Variants in GPR137C observed in about 807,000 individuals in gnomAD.
The protein encoded by GPR137C is G protein-coupled receptor 137C.
Under a neutral mutation model 43.4 loss-of-function variants are expected in GPR137C, and 27 were observed. That is an observed-to-expected ratio of 0.62 (90% CI 0.46 to 0.86). GPR137C has a LOEUF of 0.86. GPR137C is among the 40% of genes least tolerant of loss of function. The pLI is 0.00. For synonymous variants in GPR137C, 285 were observed against 226.9 expected (o/e 1.26, Z -2.30); for missense variants, 522 against 534.6 (o/e 0.98, Z 0.23).
intron 1 of GPR137C, among the ~76,000 whole-genome samples, chr14:52,566,473 C>T (rs1379176169): frequency 6.6e-6 from 1 of 152,074 alleles, no homozygotes; most frequent in African/African-American, 2.4e-5. Context: ...TTTTCTCTCT[C>T]CAAGAGCTTT....
Position 52,614,123 on chromosome 14 carries a change from CT to C in GPR137C, c.717+13796del, listed in dbSNP as rs201382954. 2.4e-3 allele frequency among the ~76,000 whole-genome samples: 337 copies of C among 141,970 alleles called. 1 individual carries two copies. The highest frequency in any genetic ancestry group is 3.1e-3 in the Non-Finnish European group (201 of 64,400). The allele number at this position is 141,970 out of a possible 152,430, so 93.1% of individuals were successfully genotyped here. The stretch of plus-strand genomic sequence containing the variant: ...TGTTAAATGATGTTGAGCACTTTTT[CT>C]TTTTTTTTTTTTTGAGACAGAGTCC... On this transcript the variant is annotated intron_variant, in intron 3 of 6. Coordinates refer to ENST00000321662, the MANE Select transcript of GPR137C (RefSeq NM_001099652.2).
intron 1 of GPR137C, among the ~76,000 whole-genome samples, chr14:52,564,594 A>G (rs2139444028): frequency 6.6e-6 from 1 of 152,284 alleles, no homozygotes; most frequent in East Asian, 1.9e-4. Flanking sequence ...TACTCAAGTT[A>G]GATTCCAAAA....
intron 3 of GPR137C, among the ~76,000 whole-genome samples, chr14:52,616,010 T>C (rs568837160): frequency 7.7e-4 from 118 of 152,376 alleles, no homozygotes; most frequent in African/African-American, 2.7e-3. Flanking sequence ...AATGTCCTTG[T>C]ATAGACATTT....
Position 52,623,100 on chromosome 14 carries a change from C to T in GPR137C, c.718-9060C>T, listed in dbSNP as rs921216684. Among the ~76,000 whole-genome samples the T allele has an allele frequency of 5.9e-5, 9 of 152,190 alleles. No homozygotes were observed. The East Asian group carries it at 1.2e-3, about 20-fold the overall frequency. ...GGTACCACTTGTGTTTCCTATCAGG[C>T]GTTGACATAAAAGAATATTTTCTTG... On this transcript the variant is annotated intron_variant, in intron 3 of 6. Transcript: ENST00000321662.
chr14:52,555,799 T>C (rs2038183632), intron 1 of GPR137C, among the ~76,000 whole-genome samples: 1 of 152,196 alleles, frequency 6.6e-6, no homozygotes. Flanking sequence ...ATAATGAAAT[T>C]AACAATTTTA....
chr14:52,562,126 G>C (rs981374335), intron 1 of GPR137C, among the ~76,000 whole-genome samples: 1 of 151,872 alleles, frequency 6.6e-6, no homozygotes, highest in African/African-American at 2.4e-5. Flanking sequence ...AAAAGAACAG[G>C]ATAAATCCAA....
intron 1 of GPR137C, among the ~76,000 whole-genome samples, chr14:52,579,910 A>T (rs1040049691): frequency 1.3e-5 from 2 of 152,216 alleles, no homozygotes; most frequent in Non-Finnish European, 2.9e-5. Flanking sequence ...GAAAACAGGT[A>T]TTCAGTATAA....
At chr14:52,562,127 A>G (rs1174339245) in intron 1 of GPR137C, among the ~76,000 whole-genome samples, 3 of 152,120 alleles carry the variant, frequency 2.0e-5, no homozygotes, top group Non-Finnish European at 4.4e-5. Flanking sequence ...AAAGAACAGG[A>G]TAAATCCAAA....
At position 52,636,345 on chromosome 14, in the gene GPR137C, G is replaced by GCT. The variant is rs1211321744; in HGVS notation, c.*1231_*1232dup. 1 of 151,982 alleles carries GCT rather than the reference G, an allele frequency of 6.6e-6. No homozygotes were observed. The highest frequency in any genetic ancestry group is 1.9e-4 in the East Asian group (1 of 5,198). The allele number at this position is 151,982 out of a possible 1,614,324, so 9.4% of individuals were successfully genotyped here. Reference sequence around the variant, plus strand: ...AATCTAAAAAAAAAGAAAATGGCAGGCTGAGATAATACAGAATTTTAAAAT... The same window carrying GCT: ...AATCTAAAAAAAAAGAAAATGGCAGGCTCTGAGATAATACAGAATTTTAAAAT... On this transcript the variant is annotated 3_prime_UTR_variant, in exon 7 of 7. Transcript: ENST00000321662.
chr14:52,635,190 A>G lies in GPR137C; in HGVS notation c.*75A>G. The G allele has an allele frequency of 3.3e-6, 4 of 1,211,374 alleles. No homozygotes were observed. The highest frequency in any genetic ancestry group is 4.5e-6 in the Non-Finnish European group (4 of 890,578). The allele number at this position is 1,211,374 out of a possible 1,614,324, so 75.0% of individuals were successfully genotyped here. A position where few individuals can be genotyped will look rare whatever the true frequency, so the allele number is the denominator to read the frequency against. ...TTCAATGTGTTTAAATTCCATCTAC[A>G]TAAACATTCCATTATCTGTTGCAAC... On this transcript the variant is annotated 3_prime_UTR_variant, in exon 7 of 7. Transcript: ENST00000321662.
intron 1 of GPR137C, among the ~76,000 whole-genome samples, chr14:52,568,950 G>C (rs1487085506): frequency 2.6e-5 from 4 of 152,236 alleles, no homozygotes; most frequent in Non-Finnish European, 4.4e-5. Flanking sequence ...TCTGCTAAGG[G>C]ACAGACTGCC....
At chr14:52,570,440 A>G (rs2038447864) in intron 1 of GPR137C, among the ~76,000 whole-genome samples, 1 of 152,204 alleles carries the variant, frequency 6.6e-6, no homozygotes, top group African/African-American at 2.4e-5. Context: ...TGCATCGACT[A>G]ACGGGCAAAA....
At chr14:52,603,174 C>T (rs1162828907) in intron 3 of GPR137C, among the ~76,000 whole-genome samples, 1 of 152,172 alleles carries the variant, frequency 6.6e-6, no homozygotes, top group Admixed American at 6.6e-5. Context: ...GTAGCTCCCA[C>T]ATGTGAGTGA....
chr14:52,583,443 G>A (rs1392985194), intron 1 of GPR137C, among the ~76,000 whole-genome samples: 3 of 152,176 alleles, frequency 2.0e-5, no homozygotes, highest in Non-Finnish European at 2.9e-5. Flanking sequence ...AATCTGGGAT[G>A]GTAGCTGACC....
chr14:52,555,250 C>T (rs998190067), intron 1 of GPR137C, among the ~76,000 whole-genome samples: 2 of 152,048 alleles, frequency 1.3e-5, no homozygotes, highest in Non-Finnish European at 2.9e-5. Flanking sequence ...GAATGATTCA[C>T]TGTAAAATAG....
At chr14:52,595,186 C>T (rs1331663652) in intron 1 of GPR137C, among the ~76,000 whole-genome samples, 1 of 152,112 alleles carries the variant, frequency 6.6e-6, no homozygotes, top group Non-Finnish European at 1.5e-5. Flanking sequence ...CCGAGAGATC[C>T]CCTGTTAGTC....
At chr14:52,629,523 C>T (rs896496457) in intron 3 of GPR137C, among the ~76,000 whole-genome samples, 3 of 152,184 alleles carry the variant, frequency 2.0e-5, no homozygotes, top group Admixed American at 1.3e-4. Context: ...CAACTAACTC[C>T]TGATAGATAC....
intron 1 of GPR137C, among the ~76,000 whole-genome samples, chr14:52,559,772 T>G (rs1230107298): frequency 1.3e-5 from 2 of 152,136 alleles, no homozygotes; most frequent in Non-Finnish European, 2.9e-5. Flanking sequence ...AGGTCAAAAA[T>G]CCTAATCTAC....
At chr14:52,589,258 G>A (rs953368397) in intron 1 of GPR137C, among the ~76,000 whole-genome samples, 32 of 152,136 alleles carry the variant, frequency 2.1e-4, no homozygotes, top group Middle Eastern at 3.2e-3. Flanking sequence ...TTTAATGAAT[G>A]GGTATAGAGT....
Sources: gnomAD v4.1 joint callset for allele counts (sites outside exome capture counted in the v4.1 genomes callset) on GRCh38, gnomAD v4.1.1 for gene constraint, MANE v1.5 for transcripts, NCBI Gene and HGNC (gene_info 2026-07-23, HGNC 2026-07-21) for gene names.